The following SLC39A11 variants were observed in gnomAD, a reference collection of about 807,000 sequenced individuals.
The protein encoded by SLC39A11 is zinc transporter ZIP11.
Under a neutral mutation model 36.1 loss-of-function variants are expected in SLC39A11, and 33 were observed. That is an observed-to-expected ratio of 0.91 (90% CI 0.69 to 1.22). SLC39A11 has a LOEUF of 1.22. SLC39A11 is among the 50% of genes most tolerant of loss of function. SLC39A11 has a pLI of 0.00. For synonymous variants in SLC39A11, 166 were observed against 170.3 expected (o/e 0.97, Z 0.20); for missense variants, 432 against 430.3 (o/e 1.00, Z -0.03).
rs1126966 is a variant in SLC39A11, at chr17:72,646,637, A to T, written c.*947T>A. On this transcript the variant is annotated 3_prime_UTR_variant, in exon 10 of 10. Transcript: ENST00000255559. The stretch of plus-strand genomic sequence containing the variant: ...AAATGGTCAACAGGGAAGGACCCAC[A>T]GCAGATTCCAAAACTCTTTCATTCA... The T allele has an allele frequency of 0.24, 37,273 of 152,600 alleles. 4,614 individuals carry two copies. The highest frequency in any genetic ancestry group is 0.29 in the Middle Eastern group (86 of 294). The allele number at this position is 152,600 out of a possible 1,614,324, so 9.5% of individuals were successfully genotyped here.
chr17:72,973,434 T>A (rs9906733), intron 4 of SLC39A11, among the ~76,000 whole-genome samples: 8,432 of 152,172 alleles, frequency 0.055, 805 homozygotes, highest in African/African-American at 0.19. Flanking sequence ...ACCTCCCTGA[T>A]GACTTTTGCT....
chr17:72,882,619 C>T (rs2081251006), intron 5 of SLC39A11, among the ~76,000 whole-genome samples: 2 of 152,072 alleles, frequency 1.3e-5, no homozygotes, highest in Admixed American at 6.6e-5. Context: ...TTCAGCTGGC[C>T]CGCTCTGCTA....
chr17:72,754,157 C>A (rs1235025835), intron 6 of SLC39A11, among the ~76,000 whole-genome samples: 1 of 150,584 alleles, frequency 6.6e-6, no homozygotes, highest in Admixed American at 6.6e-5. Context: ...AACCTGGTTG[C>A]GATTGGAGAC....
At chr17:73,045,349 T>C (rs2059246354) in intron 3 of SLC39A11, among the ~76,000 whole-genome samples, 1 of 118,496 alleles carries the variant, frequency 8.4e-6, no homozygotes, top group African/African-American at 3.2e-5. Flanking sequence ...TATTGACCAG[T>C]CACCTAATTC....
chr17:72,647,442 ATCAGAG>A lies in SLC39A11; in HGVS notation c.*136_*141del. On this transcript the variant is annotated 3_prime_UTR_variant, in exon 10 of 10. Coordinates refer to ENST00000255559, the MANE Select transcript of SLC39A11 (RefSeq NM_139177.4). ...GCAAAGTAAAAATGGTTCTATTATA[ATCAGAG>A]TCAATCAGGATAATGAGATGAAGAA... 5 of 603,740 alleles carry A rather than the reference ATCAGAG, an allele frequency of 8.3e-6. No individual in the cohort carries two copies. In the South Asian group the frequency reaches 1.2e-4, roughly 15 times the overall value. The allele number at this position is 603,740 out of a possible 1,614,324, so 37.4% of individuals were successfully genotyped here. A position where few individuals can be genotyped will look rare whatever the true frequency, so the allele number is the denominator to read the frequency against.
rs114819624 is a variant in SLC39A11 at position 72,735,293 on chromosome 17, A to C, written c.671+1357T>G. 6.5e-3 allele frequency among the ~76,000 whole-genome samples: 990 copies of C among 152,240 alleles called. 10 individuals carry two copies. Among genetic ancestry groups the C allele is most frequent in the African/African-American group, 0.021 (880 of 41,544 alleles). On this transcript the variant is annotated intron_variant, in intron 7 of 9. Transcript: ENST00000255559. Reference sequence around the variant, plus strand: ...ACTACATTTAACACACAGGGGCTCCATTTCAGCTGGGGAAACAGATGCAAG... The same window carrying C: ...ACTACATTTAACACACAGGGGCTCCCTTTCAGCTGGGGAAACAGATGCAAG...
chr17:73,005,507 G>A (rs558725614), intron 4 of SLC39A11, among the ~76,000 whole-genome samples: 35 of 152,240 alleles, frequency 2.3e-4, no homozygotes, highest in African/African-American at 6.0e-4. Flanking sequence ...GTGTCTCTGC[G>A]GTGCAGGGTG....
At chr17:72,655,686 A>AG (rs2070079803) in intron 7 of SLC39A11, among the ~76,000 whole-genome samples, 1 of 152,344 alleles carries the variant, frequency 6.6e-6, no homozygotes, top group Middle Eastern at 3.4e-3. Flanking sequence ...AGGAGCCTGC[A>AG]ACCGGGGTGC....
intron 4 of SLC39A11, among the ~76,000 whole-genome samples, chr17:72,965,409 T>G (rs914101814): frequency 6.6e-6 from 1 of 152,196 alleles, no homozygotes; most frequent in African/African-American, 2.4e-5. Flanking sequence ...AAAAGTGATA[T>G]GCATTCAATA....
intron 7 of SLC39A11, among the ~76,000 whole-genome samples, chr17:72,729,091 C>G (rs1299243809): frequency 6.6e-6 from 1 of 151,982 alleles, no homozygotes; most frequent in Non-Finnish European, 1.5e-5. Context: ...CCCACCTGCT[C>G]TCCCAGATTA....
At chr17:73,077,974 C>T (rs2060378984) in intron 3 of SLC39A11, among the ~76,000 whole-genome samples, 1 of 152,162 alleles carries the variant, frequency 6.6e-6, no homozygotes, top group African/African-American at 2.4e-5. Context: ...CACAGTGGCT[C>T]ACGCCTGTAA....
At chr17:72,672,259 G>T (rs1454050031) in intron 7 of SLC39A11, among the ~76,000 whole-genome samples, 2 of 152,172 alleles carry the variant, frequency 1.3e-5, no homozygotes, top group Non-Finnish European at 2.9e-5. Context: ...GACCAACCTG[G>T]CCAACACAGT....
intron 6 of SLC39A11, among the ~76,000 whole-genome samples, chr17:72,777,197 G>T (rs958542363): frequency 6.6e-6 from 1 of 152,076 alleles, no homozygotes; most frequent in Non-Finnish European, 1.5e-5. Context: ...AGGGGACAAA[G>T]CTCTAAACCA....
In SLC39A11 at chr17:72,655,996, C is replaced by T. The variant is rs978902117; in HGVS notation, c.672-6728G>A. Reference sequence around the variant, plus strand: ...AGGCTCACCAGCTCCCCTCCTGCAGCCCTGCTGTGCATTCCTGCAAGGCCT... The same window carrying T: ...AGGCTCACCAGCTCCCCTCCTGCAGTCCTGCTGTGCATTCCTGCAAGGCCT... On this transcript the variant is annotated intron_variant, in intron 7 of 9. Coordinates refer to ENST00000255559, the MANE Select transcript of SLC39A11 (RefSeq NM_139177.4). Among the ~76,000 whole-genome samples the T allele has an allele frequency of 6.6e-5, 10 of 152,192 alleles. No homozygotes were observed. The South Asian group carries it at 1.2e-3, about 19-fold the overall frequency.
intron 6 of SLC39A11, among the ~76,000 whole-genome samples, chr17:72,830,713 A>T (rs2078246481): frequency 6.6e-6 from 1 of 152,172 alleles, no homozygotes; most frequent in Non-Finnish European, 1.5e-5. Flanking sequence ...CGCAAGGTAG[A>T]GCCCAAGGAG....
At chr17:72,985,996 G>A (rs961605892) in intron 4 of SLC39A11, among the ~76,000 whole-genome samples, 1 of 152,128 alleles carries the variant, frequency 6.6e-6, no homozygotes, top group East Asian at 1.9e-4. Flanking sequence ...TAGAAGCCAA[G>A]GAACCACCAA....
intron 5 of SLC39A11, among the ~76,000 whole-genome samples, chr17:72,937,382 G>A (rs2084838693): frequency 6.6e-6 from 1 of 152,306 alleles, no homozygotes; most frequent in African/African-American, 2.4e-5. Context: ...TTGAACCTGG[G>A]AGGCGGAGGT....
chr17:72,841,134 T>C (rs1567803109), intron 6 of SLC39A11, among the ~76,000 whole-genome samples: 1 of 152,198 alleles, frequency 6.6e-6, no homozygotes, highest in African/African-American at 2.4e-5. Context: ...AGGTACCCAA[T>C]GCACCAGTTC....
intron 4 of SLC39A11, among the ~76,000 whole-genome samples, chr17:73,023,030 T>C (rs944368857): frequency 6.6e-6 from 1 of 152,160 alleles, no homozygotes; most frequent in Non-Finnish European, 1.5e-5. Context: ...TACTGCAAGC[T>C]CACAGGTTTC....
Sources: gnomAD v4.1 joint callset for allele counts (sites outside exome capture counted in the v4.1 genomes callset) on GRCh38, gnomAD v4.1.1 for gene constraint, MANE v1.5 for transcripts, NCBI Gene and HGNC (gene_info 2026-07-23, HGNC 2026-07-21) for gene names.